Variants in ATXN7L1 observed in about 807,000 individuals in gnomAD.
The protein encoded by ATXN7L1 is ataxin-7-like protein 1.
A neutral mutation model predicts 70.8 loss-of-function variants in ATXN7L1; 15 were observed. That is an observed-to-expected ratio of 0.21 (90% CI 0.14 to 0.33). The LOEUF (loss-of-function observed/expected upper bound fraction) is 0.33, where lower values mean the gene tolerates loss of function less well. Ranked by LOEUF, ATXN7L1 falls within the 10% of genes least tolerant of loss-of-function variation. ATXN7L1 has a pLI of 1.00. For synonymous variants in ATXN7L1, 440 were observed against 445.1 expected, an observed-to-expected ratio of 0.99 and a Z score of 0.14; for missense variants, 975 against 1,097.1, an observed-to-expected ratio of 0.89 and a Z score of 1.57.
intron 3 of ATXN7L1, among the ~76,000 whole-genome samples, chr7:105,723,751 G>C (rs1306079011): frequency 6.6e-6 from 1 of 152,036 alleles, no homozygotes; most frequent in African/African-American, 2.4e-5. Context: ...TTTTTGTTTT[G>C]CCTGTTTGTG....
At chr7:105,857,860 T>C (rs1815962885) in intron 2 of ATXN7L1, among the ~76,000 whole-genome samples, 1 of 152,086 alleles carries the variant, frequency 6.6e-6, no homozygotes, top group South Asian at 2.1e-4. Context: ...GTGTACCCAG[T>C]CCTAAACCTT....
At chr7:105,756,698 AT>A (rs927271468) in intron 3 of ATXN7L1, among the ~76,000 whole-genome samples, 90 of 152,192 alleles carry the variant, frequency 5.9e-4, no homozygotes, top group Admixed American at 1.7e-3. Context: ...AAGCTTTAAG[AT>A]TTTTTTTCGT....
At chr7:105,726,796 C>T (rs1584847070) in intron 3 of ATXN7L1, among the ~76,000 whole-genome samples, 1 of 152,174 alleles carries the variant, frequency 6.6e-6, no homozygotes, top group Non-Finnish European at 1.5e-5. Flanking sequence ...TGCAGCATCT[C>T]AGGATCCTAT....
intron 8 of ATXN7L1, 69 bp from the exon 9 acceptor site, chr7:105,620,390 A>C: frequency 1.4e-6 from 2 of 1,423,726 alleles, no homozygotes; most frequent in Non-Finnish European, 1.9e-6. Flanking sequence ...ACAGAGAAAA[A>C]TAACATTTAC....
rs187055761 is a variant in ATXN7L1, at chr7:105,706,771, G to A, written c.356-41483C>T. Among the ~76,000 whole-genome samples, 190 of 152,270 alleles carry A rather than the reference G, an allele frequency of 1.2e-3. 1 individual carries two copies. Among genetic ancestry groups the A allele is most frequent in the African/African-American group, 4.5e-3 (185 of 41,556 alleles). ...AATGACCTGAGCAGAGCTATAGCTCGATCCAACTGTGGGACTCTGGCCTAA... is the reference window on the plus strand; with the variant it reads ...AATGACCTGAGCAGAGCTATAGCTCAATCCAACTGTGGGACTCTGGCCTAA... On this transcript the variant is annotated intron_variant, in intron 3 of 11. Transcript: ENST00000419735.
intron 3 of ATXN7L1, among the ~76,000 whole-genome samples, chr7:105,725,148 C>A (rs1179116199): frequency 1.3e-5 from 2 of 152,140 alleles, no homozygotes. Flanking sequence ...TGGGAAGACA[C>A]AATTTAACCC....
chr7:105,709,519 C>G (rs1191751742), intron 3 of ATXN7L1, among the ~76,000 whole-genome samples: 1 of 152,086 alleles, frequency 6.6e-6, no homozygotes, highest in Non-Finnish European at 1.5e-5. Context: ...CCTCTTTTGT[C>G]TGGCTCTTAC....
At chr7:105,685,544 G>A (rs1563002102) in intron 3 of ATXN7L1, among the ~76,000 whole-genome samples, 2 of 152,152 alleles carry the variant, frequency 1.3e-5, no homozygotes, top group Non-Finnish European at 2.9e-5. Flanking sequence ...TCAGACCAGA[G>A]CCAAAGCTGG....
At chr7:105,845,050 C>A (rs1813777978) in intron 2 of ATXN7L1, among the ~76,000 whole-genome samples, 1 of 151,584 alleles carries the variant, frequency 6.6e-6, no homozygotes, top group Non-Finnish European at 1.5e-5. Context: ...ACCAAAAATA[C>A]AAAAATTAGC....
At chr7:105,848,954 G>A (rs1440692404) in intron 2 of ATXN7L1, among the ~76,000 whole-genome samples, 1 of 152,042 alleles carries the variant, frequency 6.6e-6, no homozygotes, top group Non-Finnish European at 1.5e-5. Flanking sequence ...TCTAGACTCA[G>A]GTCTGCCACT....
chr7:105,795,283 A>G (rs1018491599), intron 2 of ATXN7L1, among the ~76,000 whole-genome samples: 3 of 152,258 alleles, frequency 2.0e-5, no homozygotes, highest in African/African-American at 4.8e-5. Context: ...GCATGGGAGC[A>G]GCGTTTTATT....
intron 4 of ATXN7L1, among the ~76,000 whole-genome samples, chr7:105,645,767 A>G (rs1479885331): frequency 6.6e-6 from 1 of 151,532 alleles, no homozygotes; most frequent in Non-Finnish European, 1.5e-5. Context: ...GAGCCGAGAT[A>G]GTGCCACTGC....
chr7:105,760,413 C>T, intron 3 of ATXN7L1: 2 of 979,888 alleles, frequency 2.0e-6, no homozygotes, highest in South Asian at 4.7e-5. Context: ...GCACAGCCAG[C>T]AGGTGGCAGG....
At chr7:105,767,705 C>T (rs1299641616) in intron 3 of ATXN7L1, among the ~76,000 whole-genome samples, 1 of 152,206 alleles carries the variant, frequency 6.6e-6, no homozygotes, top group Non-Finnish European at 1.5e-5. Flanking sequence ...GGCTGAAGGT[C>T]ATACAGCCAG....
At chr7:105,636,668 C>A (rs111522698) in intron 7 of ATXN7L1, among the ~76,000 whole-genome samples, 2,796 of 152,204 alleles carry the variant, frequency 0.018, 35 homozygotes, top group Non-Finnish European at 0.028. Context: ...AGGCCAGGTA[C>A]CACTGCTTGG....
intron 3 of ATXN7L1, among the ~76,000 whole-genome samples, chr7:105,681,476 T>G (rs11974376): frequency 0.069 from 10,460 of 152,220 alleles, 406 homozygotes; most frequent in South Asian, 0.084. Flanking sequence ...GTACAGCCAC[T>G]ATGAAGAAGA....
intron 3 of ATXN7L1, among the ~76,000 whole-genome samples, chr7:105,667,417 T>TATGATCTTTCTGATAGATGAGGTTATCA (rs1584620332): frequency 4.2e-5 from 6 of 144,474 alleles, no homozygotes; most frequent in South Asian, 2.5e-4. Context: ...AGTCAACTAG[T>TATGATCTTTCTGATAGATGAGGTTATCA]GGCCGGGCGC....
chr7:105,686,990 C>A (rs1425720729), intron 3 of ATXN7L1, among the ~76,000 whole-genome samples: 1 of 152,184 alleles, frequency 6.6e-6, no homozygotes, highest in Non-Finnish European at 1.5e-5. Flanking sequence ...CCACAAGCTT[C>A]CCTTACTCAA....
At chr7:105,650,263 T>C (rs1799644560) in intron 4 of ATXN7L1, among the ~76,000 whole-genome samples, 1 of 152,222 alleles carries the variant, frequency 6.6e-6, no homozygotes, top group Non-Finnish European at 1.5e-5. Context: ...GCATAAATCC[T>C]GACAAGTGAA....
Sources: allele counts gnomAD v4.1 joint callset (sites outside exome capture counted in the v4.1 genomes callset), GRCh38; gene constraint gnomAD v4.1.1; transcripts MANE v1.5; gene names NCBI Gene and HGNC (gene_info 2026-07-23, HGNC 2026-07-21).